SLC7A13: variants seen among roughly 807,000 people sequenced by gnomAD.
SLC7A13 encodes X-amino acid transporter 2.
A neutral mutation model predicts 32.0 loss-of-function variants in SLC7A13; 31 were observed. The observed-to-expected ratio is 0.97, with a 90% confidence interval of 0.73 to 1.31. The LOEUF is 1.31. SLC7A13 is among the 50% of genes most tolerant of loss of function. The probability of loss-of-function intolerance (pLI) is 0.00; values close to 1 mark genes in which losing one functional copy is unlikely to be tolerated. For synonymous variants in SLC7A13, 232 were observed against 206.9 expected (o/e 1.12, Z -1.04); for missense variants, 633 against 546.9 (o/e 1.16, Z -1.57).
chr8:86,222,345 C>T (rs563658931), intron 2 of SLC7A13, among the ~76,000 whole-genome samples: 137 of 152,024 alleles, frequency 9.0e-4, no homozygotes, highest in Non-Finnish European at 1.5e-3. Context: ...ATTCGTTGAT[C>T]TGTTACTCAT....
intron 1 of SLC7A13, among the ~76,000 whole-genome samples, chr8:86,224,283 C>G (rs1252425710): frequency 6.6e-6 from 1 of 152,132 alleles, no homozygotes; most frequent in East Asian, 1.9e-4. Flanking sequence ...GCCATAGGGT[C>G]TACTCTCTTA....
intron 1 of SLC7A13, among the ~76,000 whole-genome samples, chr8:86,225,439 T>C (rs1820373693): frequency 6.6e-6 from 1 of 152,176 alleles, no homozygotes; most frequent in Non-Finnish European, 1.5e-5. Flanking sequence ...TTAATTACTA[T>C]AGTTATTAAA....
At chr8:86,227,241 G>C (rs1008616918) in intron 1 of SLC7A13, among the ~76,000 whole-genome samples, 5 of 152,120 alleles carry the variant, frequency 3.3e-5, no homozygotes, top group Admixed American at 3.3e-4. Context: ...TTAGTGGTGG[G>C]GGACCTGAGA....
At chr8:86,224,359 T>C (rs1214708450) in intron 1 of SLC7A13, among the ~76,000 whole-genome samples, 1 of 152,130 alleles carries the variant, frequency 6.6e-6, no homozygotes, top group Admixed American at 6.5e-5. Flanking sequence ...GGAAAATAAT[T>C]ACTTCTGGGA....
rs372458874 is a variant in SLC7A13 at position 86,229,966 on chromosome 8, C to G, written c.312G>C (p.Gly104=). The change falls in exon 1 of 4, where the codon GGG becomes GGC. Residue 104 remains glycine (G), a synonymous_variant. Transcript: ENST00000297524. ...FLNLWTSLFL[G]SGVVAGQALL... ...GAGCTTGGCCAGCAACTACCCCTGA[C>G]CCCAGAAACAAGGATGTCCAGAGAT... is the stretch of plus-strand genomic sequence containing the variant. 3.3e-5 allele frequency: 53 copies of G among 1,614,046 alleles called. No homozygotes were observed. Among genetic ancestry groups the G allele is most frequent in the East Asian group, 2.4e-4 (11 of 44,898 alleles).
chr8:86,214,319 A>G lies in SLC7A13; in HGVS notation c.*94T>C. On this transcript the variant is annotated 3_prime_UTR_variant, in exon 4 of 4. Transcript: ENST00000297524. ...AAAAAATATTTACCATAGGAATTTC[A>G]CCATGAATGTTCTATCATATGTTTA... The G allele has an allele frequency of 2.8e-6, 2 of 713,996 alleles. No individual in the cohort carries two copies. Among genetic ancestry groups the G allele is most frequent in the Non-Finnish European group, 4.5e-6 (2 of 440,956 alleles). The allele number at this position is 713,996 out of a possible 1,614,324, so 44.2% of individuals were successfully genotyped here. A position where few individuals can be genotyped will look rare whatever the true frequency, so the allele number is the denominator to read the frequency against.
intron 3 of SLC7A13, chr8:86,215,809 G>C (rs1216590994): frequency 3.3e-6 from 1 of 299,212 alleles, no homozygotes; most frequent in Non-Finnish European, 6.6e-6. Flanking sequence ...GAAAAGAAAA[G>C]AGCACTCCTG....
chr8:86,226,671 T>A (rs1820392539), intron 1 of SLC7A13, among the ~76,000 whole-genome samples: 1 of 152,196 alleles, frequency 6.6e-6, no homozygotes, highest in South Asian at 2.1e-4. Context: ...GCCTTAGTAA[T>A]CAATCCTATG....
intron 2 of SLC7A13, among the ~76,000 whole-genome samples, chr8:86,219,418 C>G (rs917520994): frequency 6.6e-6 from 1 of 152,112 alleles, no homozygotes; most frequent in African/African-American, 2.4e-5. Flanking sequence ...GTGACTCTGT[C>G]CACATGTTGT....
intron 1 of SLC7A13, among the ~76,000 whole-genome samples, chr8:86,223,818 C>A (rs1820345427): frequency 6.6e-6 from 1 of 150,628 alleles, no homozygotes; most frequent in Non-Finnish European, 1.5e-5. Context: ...CACACACACA[C>A]ACTGGTGGAC....
chr8:86,227,587 G>A lies in SLC7A13; in HGVS notation c.685+2006C>T, dbSNP rs1388281946. The stretch of plus-strand genomic sequence containing the variant: ...TTTGACACAGCAATTCCACTACTGC[G>A]TCTCTACCCACAGGAATAGAAATTG... On this transcript the variant is annotated intron_variant, in intron 1 of 3. Transcript: ENST00000297524. Among the ~76,000 whole-genome samples, 17 of 152,188 alleles carry A rather than the reference G, an allele frequency of 1.1e-4. No individual in the cohort carries two copies. The East Asian group carries it at 2.5e-3, about 22-fold the overall frequency.
chr8:86,216,670 C>T (rs1374938961), intron 3 of SLC7A13, among the ~76,000 whole-genome samples: 2 of 152,198 alleles, frequency 1.3e-5, no homozygotes, highest in Non-Finnish European at 2.9e-5. Context: ...GATTTAAACA[C>T]TCCAAAGAGA....
chr8:86,229,366 G>T (rs1326689256), intron 1 of SLC7A13, among the ~76,000 whole-genome samples: 1 of 152,088 alleles, frequency 6.6e-6, no homozygotes, highest in Non-Finnish European at 1.5e-5. Flanking sequence ...TCCCAGAAAG[G>T]AAAGTTGAAA....
At position 86,229,758 on chromosome 8, in the gene SLC7A13, T is replaced by G; in HGVS notation, c.520A>C (p.Ile174Leu). ...AGGAACACTACTCCAGTTAGGGAAA[T>G]GAAGCTAAGTATGGACACTTTCAGC... ...SVLKVSILSF[I>L]SLTGVVFLIR... Residue 174 changes from isoleucine (I) to leucine (L), a missense_variant, in exon 1 of 4, where the codon ATT (isoleucine) becomes CTT (leucine). By Grantham distance (5) the Ile-to-Leu change is conservative. Coordinates refer to ENST00000297524, the MANE Select transcript of SLC7A13 (RefSeq NM_138817.3). 1 of 1,614,182 alleles carries G rather than the reference T, an allele frequency of 6.2e-7. No individual in the cohort carries two copies. The highest frequency in any genetic ancestry group is 8.5e-7 in the Non-Finnish European group (1 of 1,180,028).
chr8:86,226,827 C>T (rs1212234593), intron 1 of SLC7A13, among the ~76,000 whole-genome samples: 1 of 152,180 alleles, frequency 6.6e-6, no homozygotes, highest in Non-Finnish European at 1.5e-5. Context: ...CACGGCTTCA[C>T]TCATATTTTT....
rs747819415 is a variant in SLC7A13, at chr8:86,217,716, C to T, written c.933G>A (p.Ser311=). The change falls in exon 3 of 4, where the codon TCG becomes TCA. Residue 311 remains serine (S), a synonymous_variant. Transcript: ENST00000297524. The stretch of plus-strand genomic sequence containing the variant: ...CTTGGCTTGCAAGATATATTGGTCT[C>T]GATGATTTAAATATAGAAATCAGAA... ...SNLLISIFKS[S]RPIYLASQEG... 1.5e-5 allele frequency: 24 copies of T among 1,612,872 alleles called. No homozygotes were observed. Among genetic ancestry groups the T allele is most frequent in the Admixed American group, 1.2e-4 (7 of 59,892 alleles).
At chr8:86,216,911 C>T (rs1013387408) in intron 3 of SLC7A13, among the ~76,000 whole-genome samples, 2 of 152,164 alleles carry the variant, frequency 1.3e-5, no homozygotes, top group Admixed American at 1.3e-4. Context: ...CATCTTTCTC[C>T]AATAACGTTC....
At position 86,229,736 on chromosome 8, in the gene SLC7A13, A is replaced by T. The variant is rs116610214; in HGVS notation, c.542T>A (p.Phe181Tyr). Reference sequence around the variant, plus strand: ...ATTCTCCTTTTTCCCTCTTATCAGGAACACTACTCCAGTTAGGGAAATGAA... The same window carrying T: ...ATTCTCCTTTTTCCCTCTTATCAGGTACACTACTCCAGTTAGGGAAATGAA... ...LSFISLTGVV[F>Y]LIRGKKENVE... The change falls in exon 1 of 4, where the codon TTC becomes TAC. Residue 181 changes from phenylalanine (F) to tyrosine (Y), a missense_variant. By Grantham distance (22) the Phe-to-Tyr change is conservative. Transcript: ENST00000297524. 3.2e-4 allele frequency: 520 copies of T among 1,614,184 alleles called. 4 individuals are homozygous for T. The African/African-American group carries it at 6.1e-3, about 19-fold the overall frequency.
chr8:86,215,769 G>T, intron 3 of SLC7A13: 1 of 362,416 alleles, frequency 2.8e-6, no homozygotes, highest in South Asian at 2.0e-5. Context: ...ATCATCTCAT[G>T]GCTCAGTATC....
Sources: allele counts gnomAD v4.1 joint callset (sites outside exome capture counted in the v4.1 genomes callset), GRCh38; gene constraint gnomAD v4.1.1; transcripts MANE v1.5; gene names NCBI Gene and HGNC (gene_info 2026-07-23, HGNC 2026-07-21).